HCN1: variants seen among roughly 807,000 people sequenced by gnomAD.
HCN1 encodes the protein potassium/sodium hyperpolarization-activated cyclic nucleotide-gated channel 1.
In HCN1, 13 loss-of-function variants were observed where a neutral mutation model predicts 78.9. The observed-to-expected ratio is 0.16, with a 90% CI of 0.11 to 0.26. The LOEUF (loss-of-function observed/expected upper bound fraction) is 0.26, where lower values mean the gene tolerates loss of function less well. Ranked by LOEUF, HCN1 falls within the 10% of genes least tolerant of loss-of-function variation. The pLI is 1.00. For missense variants in HCN1, 810 were observed against 1,154.3 expected (o/e 0.70, Z 4.32); for synonymous variants, 552 against 455.5 (o/e 1.21, Z -2.70).
rs372396778 is a variant in HCN1 at position 45,363,395 on chromosome 5, G to A, written c.1231-10149C>T. 2.0e-5 allele frequency among the ~76,000 whole-genome samples: 3 copies of A among 151,390 alleles called. No homozygotes were observed. The East Asian group carries it at 5.9e-4, about 30-fold the overall frequency. ...AGAGGTGTAGGTTACACCACATAAG[G>A]CAACGTTCAACCAATGAGGGACTTG... On this transcript the variant is annotated intron_variant, in intron 4 of 7. Transcript: ENST00000303230.
chr5:45,381,118 A>G (rs936529778), intron 4 of HCN1, among the ~76,000 whole-genome samples: 27 of 152,178 alleles, frequency 1.8e-4, no homozygotes, highest in African/African-American at 6.0e-4. Context: ...AATAATAATT[A>G]TAGGATTAGC....
chr5:45,374,617 G>A (rs1747560308), intron 4 of HCN1, among the ~76,000 whole-genome samples: 1 of 150,088 alleles, frequency 6.7e-6, no homozygotes, highest in Non-Finnish European at 1.5e-5. Flanking sequence ...CCAAAAACTT[G>A]GGGAGGGACT....
At chr5:45,678,282 T>A (rs182496471) in intron 1 of HCN1, among the ~76,000 whole-genome samples, 1 of 151,998 alleles carries the variant, frequency 6.6e-6, no homozygotes, top group Admixed American at 6.6e-5. Context: ...AATGGAGGAA[T>A]TTCTTGGGCA....
intron 4 of HCN1, among the ~76,000 whole-genome samples, chr5:45,372,085 A>C: frequency 3.4e-5 from 2 of 58,114 alleles, no homozygotes; most frequent in East Asian, 6.4e-4. Context: ...TATATAATAT[A>C]ATTATATATA....
intron 3 of HCN1, among the ~76,000 whole-genome samples, chr5:45,452,898 CA>C (rs1457716017): frequency 6.6e-6 from 1 of 151,952 alleles, no homozygotes; most frequent in Non-Finnish European, 1.5e-5. Flanking sequence ...TTTTAGGTTT[CA>C]AAAAGTGTCC....
chr5:45,695,441 G>C (rs1464894251), intron 1 of HCN1, among the ~76,000 whole-genome samples: 1 of 152,150 alleles, frequency 6.6e-6, no homozygotes, highest in Non-Finnish European at 1.5e-5. Flanking sequence ...CCAAGGAGGA[G>C]AGCCCGTCCG....
chr5:45,606,704 T>C, intron 2 of HCN1, among the ~76,000 whole-genome samples: 1 of 151,798 alleles, frequency 6.6e-6, no homozygotes, highest in African/African-American at 2.4e-5. Context: ...TGAAAATAAA[T>C]AAACAAACAA....
intron 2 of HCN1, among the ~76,000 whole-genome samples, chr5:45,531,327 A>C (rs139035968): frequency 2.0e-5 from 3 of 152,124 alleles, no homozygotes; most frequent in Admixed American, 1.3e-4. Context: ...TTAATTGCTT[A>C]ATTAATTGCT....
rs143584109 is a variant in HCN1, at chr5:45,275,434, C to T, written c.1619-8181G>A. On this transcript the variant is annotated intron_variant, in intron 6 of 7. Coordinates refer to ENST00000303230, the MANE Select transcript of HCN1 (RefSeq NM_021072.4). The stretch of plus-strand genomic sequence containing the variant: ...ATACAAAGCTCTCATCTGGTTCCTA[C>T]TAATCATAAACATGTTTGTAACATG... 2.1e-3 allele frequency among the ~76,000 whole-genome samples: 325 copies of T among 152,276 alleles called. 1 individual carries two copies. The highest frequency in any genetic ancestry group is 7.5e-3 in the African/African-American group (313 of 41,576).
chr5:45,355,528 TGCTTGAGTGAGCGTGGGGGAAACA>T (rs1746990722), intron 4 of HCN1, among the ~76,000 whole-genome samples: 1 of 151,994 alleles, frequency 6.6e-6, no homozygotes, highest in Admixed American at 6.6e-5. Flanking sequence ...TAAGGAAGCA[TGCTTGAGTGAGCGTGGGGGAAACA>T]AAGTAAATTT....
At chr5:45,441,087 T>TG (rs1482298273) in intron 3 of HCN1, among the ~76,000 whole-genome samples, 1 of 152,196 alleles carries the variant, frequency 6.6e-6, no homozygotes, top group African/African-American at 2.4e-5. Flanking sequence ...GTCATCTTTT[T>TG]GGGGATGGCA....
intron 3 of HCN1, among the ~76,000 whole-genome samples, chr5:45,444,513 C>T (rs1740745143): frequency 6.6e-6 from 1 of 152,042 alleles, no homozygotes; most frequent in Admixed American, 6.6e-5. Flanking sequence ...GTTATAGTCA[C>T]AAAAACCCTT....
intron 1 of HCN1, among the ~76,000 whole-genome samples, chr5:45,664,096 G>C (rs1190784257): frequency 9.5e-6 from 1 of 105,378 alleles, no homozygotes; most frequent in Non-Finnish European, 1.9e-5. Flanking sequence ...AAGAAAATGT[G>C]GCACATATAC....
Position 45,309,875 on chromosome 5 carries a change from C to T in HCN1, c.1378-6036G>A, listed in dbSNP as rs552116236. Reference sequence around the variant, plus strand: ...GGTTTGGTATCAGGATGATGCTTCCCTCATAGAATAAGTTAGGGAGGACTC... The same window carrying T: ...GGTTTGGTATCAGGATGATGCTTCCTTCATAGAATAAGTTAGGGAGGACTC... On this transcript the variant is annotated intron_variant, in intron 5 of 7. Coordinates refer to ENST00000303230, the MANE Select transcript of HCN1 (RefSeq NM_021072.4). Among the ~76,000 whole-genome samples the T allele has an allele frequency of 3.3e-5, 5 of 152,154 alleles. No homozygotes were observed. In the East Asian group the frequency reaches 9.7e-4, roughly 30 times the overall value.
At chr5:45,266,228 AGAAAAGACTTTAAAATATGTT>A (rs1380583104) in intron 7 of HCN1, among the ~76,000 whole-genome samples, 1 of 152,206 alleles carries the variant, frequency 6.6e-6, no homozygotes, top group Non-Finnish European at 1.5e-5. Flanking sequence ...ATTTGGTAGC[AGAAAAGACTTTAAAATATGTT>A]GATGTTTGCG....
At chr5:45,573,749 G>T (rs970962073) in intron 2 of HCN1, among the ~76,000 whole-genome samples, 2 of 151,998 alleles carry the variant, frequency 1.3e-5, no homozygotes, top group Non-Finnish European at 2.9e-5. Context: ...ACTGACTGCT[G>T]ACATTTGGCC....
intron 2 of HCN1, among the ~76,000 whole-genome samples, chr5:45,627,117 C>A (rs1745180060): frequency 6.6e-6 from 1 of 152,080 alleles, no homozygotes; most frequent in Non-Finnish European, 1.5e-5. Flanking sequence ...AATAAGATGA[C>A]TATGCCTTCA....
At chr5:45,552,659 A>G (rs1743391788) in intron 2 of HCN1, among the ~76,000 whole-genome samples, 1 of 151,934 alleles carries the variant, frequency 6.6e-6, no homozygotes, top group African/African-American at 2.4e-5. Context: ...CAGTAAGCAT[A>G]ATTGGAAAAG....
chr5:45,322,925 C>T (rs1037797035), intron 5 of HCN1, among the ~76,000 whole-genome samples: 2 of 151,866 alleles, frequency 1.3e-5, no homozygotes, highest in South Asian at 2.1e-4. Flanking sequence ...CTTGAGCAAC[C>T]TTGTCTGATA....
Sources: gnomAD v4.1 joint callset for allele counts (sites outside exome capture counted in the v4.1 genomes callset) on GRCh38, gnomAD v4.1.1 for gene constraint, MANE v1.5 for transcripts, NCBI Gene and HGNC (gene_info 2026-07-23, HGNC 2026-07-21) for gene names.